The following CALN1 variants were observed in gnomAD, a reference collection of about 807,000 sequenced individuals.
CALN1 encodes calcium-binding protein 8.
Under a neutral mutation model 30.6 loss-of-function variants are expected in CALN1, and 17 were observed. The ratio of observed to expected loss-of-function variants is 0.56; its 90% CI spans 0.38 to 0.83. The LOEUF is 0.83. CALN1 is among the 40% of genes least tolerant of loss of function. CALN1 has a pLI of 0.00. For synonymous variants in CALN1, 156 were observed against 131.4 expected (o/e 1.19, Z -1.28); for missense variants, 291 against 354.9 (o/e 0.82, Z 1.45).
intron 5 of CALN1, among the ~76,000 whole-genome samples, chr7:71,939,283 C>T (rs1028015116): frequency 8.6e-5 from 13 of 151,440 alleles, no homozygotes; most frequent in Non-Finnish European, 1.5e-4. Context: ...TGTGGCCGGG[C>T]GTGGTGGCTC....
intron 3 of CALN1, among the ~76,000 whole-genome samples, chr7:72,236,003 G>C (rs998550711): frequency 2.0e-5 from 3 of 151,400 alleles, no homozygotes; most frequent in African/African-American, 7.3e-5. Flanking sequence ...CAGCTCTTAG[G>C]GAGGCAGAGG....
intron 2 of CALN1, among the ~76,000 whole-genome samples, chr7:72,304,085 AAAGAAATG>A (rs1305555047): frequency 6.6e-6 from 1 of 152,238 alleles, no homozygotes; most frequent in East Asian, 1.9e-4. Flanking sequence ...AAAAAAGAAG[AAAGAAATG>A]AAGAGGTGCT....
chr7:71,995,636 C>G (rs960054872), intron 5 of CALN1, among the ~76,000 whole-genome samples: 2 of 152,070 alleles, frequency 1.3e-5, no homozygotes, highest in Non-Finnish European at 2.9e-5. Context: ...CCCCACATGA[C>G]AGGCAAGGAG....
chr7:72,311,450 T>C (rs1225169085), intron 2 of CALN1, among the ~76,000 whole-genome samples: 1 of 152,040 alleles, frequency 6.6e-6, no homozygotes, highest in Non-Finnish European at 1.5e-5. Context: ...CCTTGCATTG[T>C]GGAAGGATCA....
chr7:72,161,632 G>C (rs914857524), intron 3 of CALN1, among the ~76,000 whole-genome samples: 1 of 152,078 alleles, frequency 6.6e-6, no homozygotes, highest in Admixed American at 6.6e-5. Flanking sequence ...TAGAATGCTG[G>C]GCAAAGAAGA....
chr7:72,105,794 G>GGAGT (rs139352361), intron 4 of CALN1, among the ~76,000 whole-genome samples: 24,685 of 99,870 alleles, frequency 0.25, 4,513 homozygotes, highest in East Asian at 0.66. Flanking sequence ...GAGGGGGGAG[G>GGAGT]GAGGGAGGGA....
At chr7:72,286,940 T>G (rs974052105) in intron 2 of CALN1, among the ~76,000 whole-genome samples, 1 of 152,108 alleles carries the variant, frequency 6.6e-6, no homozygotes, top group Admixed American at 6.5e-5. Flanking sequence ...GAAGAAGAGA[T>G]ATCAAGACAA....
chr7:72,113,118 GT>G (rs2129541670), intron 3 of CALN1, among the ~76,000 whole-genome samples: 1 of 152,308 alleles, frequency 6.6e-6, no homozygotes, highest in African/African-American at 2.4e-5. Flanking sequence ...AAAATCTCAT[GT>G]TGAAATTTGA....
chr7:72,218,641 G>A lies in CALN1; in HGVS notation c.244+60045C>T, dbSNP rs1482820407. 3.9e-5 allele frequency among the ~76,000 whole-genome samples: 6 copies of A among 152,230 alleles called. No individual in the cohort carries two copies. In the East Asian group the frequency reaches 1.2e-3, roughly 29 times the overall value. On this transcript the variant is annotated intron_variant, in intron 3 of 6. Coordinates refer to ENST00000395275, the MANE Select transcript of CALN1 (RefSeq NM_031468.4). ...GTTTCCAAAACCGAAACATCACTTT[G>A]CTTTAGTATACAATGTCTAAGTAAA...
intron 2 of CALN1, among the ~76,000 whole-genome samples, chr7:72,346,541 A>T (rs949605501): frequency 1.3e-5 from 2 of 151,998 alleles, no homozygotes; most frequent in Non-Finnish European, 2.9e-5. Context: ...TTTGAAACGA[A>T]ATTTCACTCT....
In CALN1 at chr7:72,271,575, A is replaced by AAT. The variant is rs1410679506; in HGVS notation, c.244+7109_244+7110dup. Among the ~76,000 whole-genome samples the AAT allele has an allele frequency of 2.9e-3, 151 of 52,112 alleles. 14 individuals carry two copies. Among genetic ancestry groups the AAT allele is most frequent in the Middle Eastern group, 0.012 (1 of 82 alleles). The allele number at this position is 52,112 out of a possible 152,430, so 34.2% of individuals were successfully genotyped here. On this transcript the variant is annotated intron_variant, in intron 3 of 6. Coordinates refer to ENST00000395275, the MANE Select transcript of CALN1 (RefSeq NM_031468.4). ...CTGTGCCTGCCTTTTAAAAAAAAAAAATATATATATATATATATAGTTTTC... is the reference window on the plus strand; with the variant it reads ...CTGTGCCTGCCTTTTAAAAAAAAAAAATATATATATATATATATATAGTTTTC...
chr7:72,238,436 T>G (rs1794618105), intron 3 of CALN1, among the ~76,000 whole-genome samples: 1 of 152,172 alleles, frequency 6.6e-6, no homozygotes, highest in Non-Finnish European at 1.5e-5. Flanking sequence ...ATTTAATGAT[T>G]TTTTTATTTA....
intron 3 of CALN1, among the ~76,000 whole-genome samples, chr7:72,257,605 C>G (rs1585284430): frequency 6.6e-6 from 1 of 152,198 alleles, no homozygotes; most frequent in East Asian, 1.9e-4. Flanking sequence ...AGCAATCCCA[C>G]TACGGGGTTC....
intron 3 of CALN1, among the ~76,000 whole-genome samples, chr7:72,187,228 G>C (rs1790272385): frequency 6.6e-6 from 1 of 152,118 alleles, no homozygotes; most frequent in Non-Finnish European, 1.5e-5. Flanking sequence ...TGTCTTGTCT[G>C]ACACATTTTT....
At chr7:71,834,483 G>T (rs1283798108) in intron 5 of CALN1, among the ~76,000 whole-genome samples, 1 of 151,940 alleles carries the variant, frequency 6.6e-6, no homozygotes, top group Non-Finnish European at 1.5e-5. Flanking sequence ...TCCCTTTCAT[G>T]CTGTACAAAT....
chr7:71,891,939 G>A (rs937998011), intron 5 of CALN1, among the ~76,000 whole-genome samples: 7 of 145,772 alleles, frequency 4.8e-5, no homozygotes, highest in African/African-American at 8.0e-5. Context: ...GTGAGACTCC[G>A]TCTCAAAAAT....
intron 3 of CALN1, among the ~76,000 whole-genome samples, chr7:72,252,797 T>A (rs1007041417): frequency 1.5e-4 from 23 of 152,082 alleles, no homozygotes; most frequent in Admixed American, 1.4e-3. Flanking sequence ...GTAATTTTTA[T>A]AATATAATAT....
intron 5 of CALN1, among the ~76,000 whole-genome samples, chr7:71,976,517 CAG>C (rs766770491): frequency 2.0e-5 from 3 of 152,190 alleles, no homozygotes; most frequent in Non-Finnish European, 4.4e-5. Context: ...AGGTTCTGTC[CAG>C]AGACAGGAGC....
intron 5 of CALN1, among the ~76,000 whole-genome samples, chr7:71,885,085 T>G (rs1792818706): frequency 6.6e-6 from 1 of 152,196 alleles, no homozygotes. Flanking sequence ...ACTTCACCTA[T>G]AGCCTGGAAG....
Sources: allele counts gnomAD v4.1 joint callset (sites outside exome capture counted in the v4.1 genomes callset), GRCh38; gene constraint gnomAD v4.1.1; transcripts MANE v1.5; gene names NCBI Gene and HGNC (gene_info 2026-07-23, HGNC 2026-07-21).